PCDHA4: variants seen among roughly 807,000 people sequenced by gnomAD.
The protein encoded by PCDHA4 is protocadherin alpha 4.
PCDHA4 carries 49 observed loss-of-function variants against 61.4 expected under a neutral mutation model. The ratio of observed to expected loss-of-function variants is 0.80; its 90% CI spans 0.63 to 1.01. The LOEUF (loss-of-function observed/expected upper bound fraction) is 1.01, where lower values mean the gene tolerates loss of function less well. Among genes scored for constraint, PCDHA4 ranks in the 50% least tolerant of loss-of-function variants. PCDHA4 has a pLI of 0.00. For missense variants in PCDHA4, 1,254 were observed against 1,235.8 expected (o/e 1.01, Z -0.22); for synonymous variants, 590 against 550.3 (o/e 1.07, Z -1.01).
intron 1 of PCDHA4, among the ~76,000 whole-genome samples, chr5:140,922,883 T>A (rs963654982): frequency 2.6e-5 from 4 of 152,134 alleles, no homozygotes; most frequent in Admixed American, 2.0e-4. Flanking sequence ...TCCAAAGACA[T>A]CATTCAAGAA....
At chr5:140,820,841 T>G (rs11167609) in intron 1 of PCDHA4, among the ~76,000 whole-genome samples, 88,272 of 151,788 alleles carry the variant, frequency 0.58, 26,392 homozygotes, top group African/African-American at 0.72. Flanking sequence ...TAATAGCAAC[T>G]TGAAGAAATG....
At position 141,010,198 on chromosome 5, in the gene PCDHA4, C is replaced by T; in HGVS notation, c.*261C>T. ...AAAGCAGACCCAAGTTTCCTTTCTC[C>T]TCCGCCGCAAAGGAGAGGCTTCCCA... On this transcript the variant is annotated 3_prime_UTR_variant, in exon 4 of 4. Transcript: ENST00000530339. The T allele has an allele frequency of 6.4e-7, 1 of 1,552,138 alleles. No homozygotes were observed. The highest frequency in any genetic ancestry group is 1.4e-5 in the African/African-American group (1 of 73,154).
chr5:140,962,825 G>A (rs962485906), intron 1 of PCDHA4, among the ~76,000 whole-genome samples: 1 of 152,194 alleles, frequency 6.6e-6, no homozygotes, highest in Non-Finnish European at 1.5e-5. Flanking sequence ...ATGACCATTT[G>A]TCTCTTTTTT....
At chr5:140,823,541 T>C in intron 1 of PCDHA4, 1 of 1,613,782 alleles carries the variant, frequency 6.2e-7, no homozygotes, top group Non-Finnish European at 8.5e-7. Flanking sequence ...GCGGGCCACG[T>C]GGTGGCGAAG....
intron 3 of PCDHA4, among the ~76,000 whole-genome samples, chr5:141,000,421 ATTTT>A (rs34755515): frequency 0.018 from 509 of 27,798 alleles, 2 homozygotes; most frequent in African/African-American, 0.027. Context: ...ATATATATAT[ATTTT>A]TTTTTTTTTT....
At chr5:140,897,486 A>G (rs183789033) in intron 1 of PCDHA4, among the ~76,000 whole-genome samples, 2 of 151,962 alleles carry the variant, frequency 1.3e-5, no homozygotes, top group Admixed American at 6.5e-5. Flanking sequence ...ATGATTTCCA[A>G]TTTCAACCAT....
chr5:140,918,901 CTT>C (rs1386679785), intron 1 of PCDHA4, among the ~76,000 whole-genome samples: 6 of 152,198 alleles, frequency 3.9e-5, no homozygotes, highest in African/African-American at 1.4e-4. Flanking sequence ...ATAAATCTCT[CTT>C]GTTTATTAAC....
At chr5:140,924,175 A>G (rs1179259744) in intron 1 of PCDHA4, among the ~76,000 whole-genome samples, 4 of 152,244 alleles carry the variant, frequency 2.6e-5, no homozygotes, top group Non-Finnish European at 5.9e-5. Context: ...CTGGCACTGA[A>G]GCAGAAAATT....
chr5:140,830,086 T>G, intron 1 of PCDHA4: 1 of 1,613,548 alleles, frequency 6.2e-7, no homozygotes, highest in African/African-American at 1.3e-5. Context: ...CGGCCACGGT[T>G]CTGGTGTCGC....
Position 140,808,623 on chromosome 5 carries a change from C to A in PCDHA4, c.1436C>A (p.Ala479Glu). 1 of 1,613,692 alleles carries A rather than the reference C, an allele frequency of 6.2e-7. No individual in the cohort carries two copies. Among genetic ancestry groups the A allele is most frequent in the Non-Finnish European group, 8.5e-7 (1 of 1,179,904 alleles). Residue 479 changes from alanine to glutamate, a missense_variant, in exon 1 of 4, where the codon GCG becomes GAG. Physicochemically the swap from Ala to Glu is moderately radical, Grantham distance 107. Transcript: ENST00000530339. The stretch of plus-strand genomic sequence containing the variant: ...GGCTGCCACATCTTCACTGTGTCTG[C>A]GTGGGACGCGGACGCGCAGGAGAAC... The part of the protein sequence containing the change: ...PPGCHIFTVS[A>E]WDADAQENAL...
chr5:140,901,092 T>C (rs1374524038), intron 1 of PCDHA4, among the ~76,000 whole-genome samples: 5 of 152,228 alleles, frequency 3.3e-5, no homozygotes, highest in African/African-American at 1.2e-4. Context: ...TTGAGCTCCT[T>C]CTACATTCTG....
chr5:140,879,889 C>T (rs897508016), intron 1 of PCDHA4, among the ~76,000 whole-genome samples: 3 of 152,200 alleles, frequency 2.0e-5, no homozygotes, highest in Non-Finnish European at 4.4e-5. Context: ...GCCTCCTCCT[C>T]TCCATGTCTC....
chr5:140,868,742 T>A (rs2050624283), intron 1 of PCDHA4: 2 of 208,154 alleles, frequency 9.6e-6, no homozygotes, highest in Non-Finnish European at 9.7e-6. Flanking sequence ...AGAAATACAA[T>A]GCCATTTCCA....
chr5:140,871,152 G>T lies in PCDHA4; in HGVS notation c.2385+61580G>T, dbSNP rs376980257. 913 of 1,613,436 alleles carry T rather than the reference G, an allele frequency of 5.7e-4. 8 individuals carry two copies. In the South Asian group the frequency reaches 9.3e-3, roughly 16 times the overall value. Reference sequence around the variant, plus strand: ...CAAAGGCCTCTTCCCGGACTTTGGCGGGCGCCGCGAGCCCAGAGGCTGCGC... The same window carrying T: ...CAAAGGCCTCTTCCCGGACTTTGGCTGGCGCCGCGAGCCCAGAGGCTGCGC... On this transcript the variant is annotated intron_variant, in intron 1 of 3. Transcript: ENST00000530339.
intron 1 of PCDHA4, among the ~76,000 whole-genome samples, chr5:140,925,464 A>G (rs1181531744): frequency 6.6e-6 from 1 of 152,114 alleles, no homozygotes; most frequent in Non-Finnish European, 1.5e-5. Flanking sequence ...GTTGTGGCTC[A>G]GAGATGTTTC....
chr5:141,007,325 C>T (rs1303133451), intron 3 of PCDHA4, among the ~76,000 whole-genome samples: 1 of 145,322 alleles, frequency 6.9e-6, no homozygotes, highest in Non-Finnish European at 1.5e-5. Flanking sequence ...CTAAAGTGGA[C>T]AGATTGCCTG....
chr5:140,825,429 A>G (rs1291872136), intron 1 of PCDHA4: 2 of 147,480 alleles, frequency 1.4e-5, no homozygotes, highest in Non-Finnish European at 3.0e-5. Context: ...TATATAATAA[A>G]TATATAATAA....
chr5:140,823,795 G>A, intron 1 of PCDHA4: 2 of 1,613,812 alleles, frequency 1.2e-6, no homozygotes, highest in Non-Finnish European at 1.7e-6. Flanking sequence ...AAGTGGCCAG[G>A]CGCCGAAGGC....
intron 1 of PCDHA4, chr5:140,830,209 G>C: frequency 6.2e-7 from 1 of 1,613,806 alleles, no homozygotes; most frequent in Non-Finnish European, 8.5e-7. Context: ...CCATCTGCGC[G>C]GTATCCAGCC....
Sources: gnomAD v4.1 joint callset for allele counts (sites outside exome capture counted in the v4.1 genomes callset) on GRCh38, gnomAD v4.1.1 for gene constraint, MANE v1.5 for transcripts, NCBI Gene and HGNC (gene_info 2026-07-23, HGNC 2026-07-21) for gene names.